The following ARHGEF18 variants were observed in gnomAD, a reference collection of about 807,000 sequenced individuals.
The protein encoded by ARHGEF18 is Rho/Rac guanine nucleotide exchange factor 18, also known as rho guanine nucleotide exchange factor 18.
ARHGEF18 carries 93 observed loss-of-function variants against 155.7 expected under a neutral mutation model. The observed-to-expected ratio is 0.60, with a 90% CI of 0.50 to 0.71. The LOEUF is 0.71. Among genes scored for constraint, ARHGEF18 ranks in the 30% least tolerant of loss-of-function variants. The pLI is 0.00. For missense variants in ARHGEF18, 1,593 were observed against 1,816.1 expected (o/e 0.88, Z 2.23); for synonymous variants, 742 against 753.1 (o/e 0.99, Z 0.24).
At chr19:7,350,433 C>A (rs143234149) in intron 1 of ARHGEF18, among the ~76,000 whole-genome samples, 3 of 152,170 alleles carry the variant, frequency 2.0e-5, no homozygotes, top group Admixed American at 6.5e-5. Flanking sequence ...CATTTCAACT[C>A]CCTTGCTGTG....
downstream of ARHGEF18, chr19:7,473,251 A>G (rs745848269): frequency 4.4e-6 from 2 of 456,234 alleles, no homozygotes; most frequent in South Asian, 1.5e-5. Context: ...GACTAGGTGT[A>G]AAGTCGATCA....
chr19:7,453,352 C>T, intron 16 of ARHGEF18, 115 bp from the exon 17 acceptor site: 1 of 1,300,442 alleles, frequency 7.7e-7, no homozygotes, highest in Non-Finnish European at 1.0e-6. Flanking sequence ...CCCACACGCC[C>T]ATACATAGTG....
At position 7,444,458 on chromosome 19, in the gene ARHGEF18, G is replaced by C; in HGVS notation, c.1611+4G>C. The C allele has an allele frequency of 6.2e-7, 1 of 1,612,742 alleles. No individual in the cohort carries two copies. The highest frequency in any genetic ancestry group is 2.2e-5 in the East Asian group (1 of 44,864). On this transcript the variant is annotated splice_donor_region_variant and intron_variant, in intron 14 of 28. Transcript: ENST00000668164. The surrounding 1 kb of genome is among the most constrained non-coding windows in gnomAD (Gnocchi z 4.7). Reference sequence around the variant, plus strand: ...CGGCGACCTCCTGGTTCAGCAGGTGGGTGCAGCCGTGTTCATCTCAACAGT... The same window carrying C: ...CGGCGACCTCCTGGTTCAGCAGGTGCGTGCAGCCGTGTTCATCTCAACAGT...
chr19:7,397,718 A>G (rs1033298709), intron 10 of ARHGEF18, among the ~76,000 whole-genome samples: 11 of 151,148 alleles, frequency 7.3e-5, no homozygotes, highest in Non-Finnish European at 1.6e-4. Context: ...GGGCAACAGA[A>G]CGAGATTCCA....
chr19:7,422,967 T>C (rs1326862294), intron 10 of ARHGEF18, among the ~76,000 whole-genome samples: 1 of 152,074 alleles, frequency 6.6e-6, no homozygotes, highest in East Asian at 1.9e-4. Context: ...AATCCGCCCA[T>C]CTTGGCCTCC....
downstream of ARHGEF18, among the ~76,000 whole-genome samples, chr19:7,473,876 A>G (rs900498393): frequency 4.0e-5 from 6 of 150,930 alleles, no homozygotes; most frequent in Non-Finnish European, 8.9e-5. Flanking sequence ...CCAGCTACAC[A>G]GGAGGCCAAG....
intron 8 of ARHGEF18, among the ~76,000 whole-genome samples, chr19:7,381,722 T>TAAAA (rs977560604): frequency 4.1e-5 from 6 of 146,074 alleles, no homozygotes; most frequent in African/African-American, 1.3e-4. Context: ...AATAAATAAA[T>TAAAA]AAAAATAAAA....
chr19:7,465,745 C>T (rs1467494647), intron 23 of ARHGEF18, among the ~76,000 whole-genome samples: 4 of 152,240 alleles, frequency 2.6e-5, no homozygotes, highest in African/African-American at 9.6e-5. Flanking sequence ...TTGAGACCAG[C>T]CTGGGCAACA....
intron 4 of ARHGEF18, among the ~76,000 whole-genome samples, 180 bp from the exon 5 acceptor site, chr19:7,376,463 G>C (rs942899165): frequency 5.3e-5 from 8 of 152,048 alleles, no homozygotes; most frequent in East Asian, 1.9e-4. Flanking sequence ...GGCTGGGGAG[G>C]GGGTGGCTGA....
At chr19:7,385,883 TCTCCCTCCCTCC>T (rs1568285840) in intron 10 of ARHGEF18, among the ~76,000 whole-genome samples, 2 of 32,406 alleles carry the variant, frequency 6.2e-5, no homozygotes, top group Non-Finnish European at 4.8e-5. Context: ...CCCCTCCCTC[TCTCCCTCCCTCC>T]CTCTCTCTCT....
intron 10 of ARHGEF18, among the ~76,000 whole-genome samples, chr19:7,422,681 T>C (rs1973425321): frequency 2.0e-5 from 3 of 150,248 alleles, no homozygotes; most frequent in South Asian, 4.2e-4. Context: ...AAACACCGCA[T>C]CATCAGTCCC....
At chr19:7,358,117 C>G (rs752218653) in intron 1 of ARHGEF18, among the ~76,000 whole-genome samples, 3 of 152,122 alleles carry the variant, frequency 2.0e-5, no homozygotes, top group Non-Finnish European at 2.9e-5. Flanking sequence ...AACTATCTAT[C>G]CAGCCAACCA....
At chr19:7,477,787 G>A in the ARHGEF18 span, among the ~76,000 whole-genome samples, 10 of 152,316 alleles carry the variant, frequency 6.6e-5, no homozygotes, top group East Asian at 1.9e-4. Flanking sequence ...GTGCCTGCCC[G>A]GCCTTTCTTT....
intron 2 of ARHGEF18, among the ~76,000 whole-genome samples, chr19:7,363,768 AG>A (rs1969740919): frequency 2.0e-5 from 3 of 150,848 alleles, no homozygotes; most frequent in Admixed American, 2.0e-4. Flanking sequence ...GATGAAAGGA[AG>A]GAGGATGGAT....
chr19:7,469,102 G>A lies in ARHGEF18; in HGVS notation c.3758G>A (p.Ser1253Asn), dbSNP rs557283160. ...TKGGKDKGGKSRGSQRWESSA... is the reference protein window; with the variant it reads ...TKGGKDKGGKNRGSQRWESSA... ...GGTGGCAAGGACAAGGGCGGCAAGA[G>A]CAGGGGCTCTCAGCGCTGGGAGAGC... The change falls in exon 27 of 29, where the codon AGC becomes AAC. Residue 1253 changes from serine to asparagine, a missense_variant. Transcript: ENST00000668164. 2 of 1,607,136 alleles carry A rather than the reference G, an allele frequency of 1.2e-6. No individual in the cohort carries two copies. Among genetic ancestry groups the A allele is most frequent in the Non-Finnish European group, 1.7e-6 (2 of 1,178,020 alleles).
At chr19:7,376,903 G>A (rs1970484553) in intron 5 of ARHGEF18, 146 bp downstream of exon 5, 1 of 561,606 alleles carries the variant, frequency 1.8e-6, no homozygotes, top group Non-Finnish European at 2.7e-6. Flanking sequence ...GAAGGGAAGG[G>A]AGCTGGCTTA....
chr19:7,358,269 T>C (rs1342369467), intron 1 of ARHGEF18, among the ~76,000 whole-genome samples: 145 of 95,748 alleles, frequency 1.5e-3, no homozygotes, highest in Middle Eastern at 0.015. Flanking sequence ...TTCCATCCAT[T>C]CTTCCATCCA....
rs374271088 is a variant in ARHGEF18, at chr19:7,458,493, A to T, written c.2182-19A>T. The T allele has an allele frequency of 6.2e-7, 1 of 1,610,286 alleles. No individual in the cohort carries two copies. Among genetic ancestry groups the T allele is most frequent in the Admixed American group, 1.7e-5 (1 of 59,896 alleles). On this transcript the variant is annotated intron_variant, in intron 18 of 28. Transcript: ENST00000668164. ...TGTGGGGTAAAGGGTGACCTCCCCA[A>T]TGCCCTCTACTCATGCAGGACTCAA... is the stretch of plus-strand genomic sequence containing the variant.
intron 10 of ARHGEF18, among the ~76,000 whole-genome samples, chr19:7,421,118 A>T (rs961919303): frequency 7.3e-6 from 1 of 137,840 alleles, no homozygotes; most frequent in Non-Finnish European, 1.5e-5. Context: ...TTTTGTAGGG[A>T]TGTGGTCCCA....
Sources: gnomAD v4.1 joint callset for allele counts (sites outside exome capture counted in the v4.1 genomes callset) on GRCh38, gnomAD v4.1.1 for gene constraint, Gnocchi (gnomAD v3.1) non-coding constraint, MANE v1.5 for transcripts, NCBI Gene and HGNC (gene_info 2026-07-23, HGNC 2026-07-21) for gene names.